Variants in GFRA2 observed in about 807,000 individuals in gnomAD.
GFRA2 encodes GDNF family receptor alpha-2.
Under a neutral mutation model 48.3 loss-of-function variants are expected in GFRA2, and 17 were observed. That is an observed-to-expected ratio of 0.35 (90% CI 0.24 to 0.53). The LOEUF is 0.53. Among genes scored for constraint, GFRA2 ranks in the 20% least tolerant of loss-of-function variants. GFRA2 has a pLI of 0.93. For synonymous variants in GFRA2, 305 were observed against 257.2 expected (o/e 1.19, Z -1.78); for missense variants, 660 against 637.3 (o/e 1.04, Z -0.38).
chr8:21,695,524 G>A (rs543652434), intron 7 of GFRA2, among the ~76,000 whole-genome samples: 7 of 152,312 alleles, frequency 4.6e-5, no homozygotes, highest in African/African-American at 1.7e-4. Context: ...CTGGCCAAGA[G>A]TAGAGTCACT....
At chr8:21,789,887 C>A (rs1451699937), upstream of GFRA2, among the ~76,000 whole-genome samples, 1 of 152,160 alleles carries the variant, frequency 6.6e-6, no homozygotes, top group Non-Finnish European at 1.5e-5. Flanking sequence ...CGGGCAGGGG[C>A]TCGCACCCCA....
At chr8:21,706,369 G>A (rs1203647384) in intron 4 of GFRA2, 1 of 492,142 alleles carries the variant, frequency 2.0e-6, no homozygotes, top group African/African-American at 1.9e-5. Context: ...GGTTTGTGGA[G>A]AATGCCTGGA....
At chr8:21,727,711 C>T (rs1052532534) in intron 4 of GFRA2, among the ~76,000 whole-genome samples, 1 of 152,164 alleles carries the variant, frequency 6.6e-6, no homozygotes, top group Non-Finnish European at 1.5e-5. Context: ...GGCAGCCTCC[C>T]CGCTGGGCCT....
At chr8:21,809,437 G>C (rs1807935669) in intron 1 of GFRA2, among the ~76,000 whole-genome samples, 1 of 152,130 alleles carries the variant, frequency 6.6e-6, no homozygotes. Context: ...CCATTCTCCT[G>C]CCTCAGCCTC....
chr8:21,732,735 C>CA (rs1554490145), intron 4 of GFRA2, among the ~76,000 whole-genome samples: 1 of 152,124 alleles, frequency 6.6e-6, no homozygotes, highest in Non-Finnish European at 1.5e-5. Flanking sequence ...TGAAGGAATT[C>CA]AAAAAATTAG....
chr8:21,765,937 G>A (rs1168708345), intron 3 of GFRA2, among the ~76,000 whole-genome samples: 1 of 151,984 alleles, frequency 6.6e-6, no homozygotes, highest in East Asian at 1.9e-4. Context: ...ACCTATGACC[G>A]TCTGCAGCAA....
chr8:21,706,983 T>TC (rs1023335700), intron 4 of GFRA2, among the ~76,000 whole-genome samples: 11 of 152,134 alleles, frequency 7.2e-5, no homozygotes, highest in African/African-American at 2.4e-4. Flanking sequence ...GGGAGGATGC[T>TC]CCCCCTCTGC....
intron 4 of GFRA2, among the ~76,000 whole-genome samples, chr8:21,714,246 CTTTTTTTTT>C (rs10674628): frequency 3.8e-5 from 3 of 78,400 alleles, no homozygotes; most frequent in East Asian, 9.4e-4. Context: ...GTCTGAAGTT[CTTTTTTTTT>C]TTTTTTTTTT....
At chr8:21,712,931 G>A (rs1803134252) in intron 4 of GFRA2, among the ~76,000 whole-genome samples, 1 of 152,034 alleles carries the variant, frequency 6.6e-6, no homozygotes, top group South Asian at 2.1e-4. Flanking sequence ...CAGGCAGGGA[G>A]GTTGCAGTGA....
Position 21,782,894 on chromosome 8 carries a change from T to A in GFRA2, c.46A>T (p.Thr16Ser). The A allele has an allele frequency of 1.9e-6, 3 of 1,552,480 alleles. No homozygotes were observed. Among genetic ancestry groups the A allele is most frequent in the Non-Finnish European group, 2.6e-6 (3 of 1,156,484 alleles). Residue 16 changes from threonine to serine, a missense_variant, in exon 2 of 9, where the codon ACC becomes TCC. Transcript: ENST00000524240. ...VFCLFFFLDE[T>S]LRSLASPSSL... ...GAAGGGCTGGCCAAAGAGCGGAGGG[T>A]CTCGTCTGGGTGGTGGGGAGGGAAG... is the stretch of plus-strand genomic sequence containing the variant.
chr8:21,706,762 C>T (rs1802769453), intron 4 of GFRA2, among the ~76,000 whole-genome samples: 1 of 152,224 alleles, frequency 6.6e-6, no homozygotes, highest in Non-Finnish European at 1.5e-5. Flanking sequence ...ACTCCTTGTG[C>T]ACAGCTCTAT....
intron 4 of GFRA2, among the ~76,000 whole-genome samples, chr8:21,736,907 T>TGAGGGGAGGGGAGGGGAGGGGAGGA (rs1804491517): frequency 1.0e-4 from 3 of 29,794 alleles, no homozygotes; most frequent in African/African-American, 1.4e-4. Flanking sequence ...AAGGAAGAAA[T>TGAGGGGAGGGGAGGGGAGGGGAGGA]GAGGGGAGGG....
intron 1 of GFRA2, among the ~76,000 whole-genome samples, chr8:21,786,068 G>T (rs1056297064): frequency 5.3e-5 from 8 of 152,214 alleles, no homozygotes; most frequent in Non-Finnish European, 1.2e-4. Context: ...ACTTCTCGAG[G>T]GAAGGAAACT....
chr8:21,776,441 T>G (rs1241393593), intron 2 of GFRA2, among the ~76,000 whole-genome samples: 2 of 150,878 alleles, frequency 1.3e-5, no homozygotes, highest in African/African-American at 2.4e-5. Context: ...CAGCTGGAAT[T>G]TGACAACAGC....
At chr8:21,792,351 A>G (rs1807588016), upstream of GFRA2, among the ~76,000 whole-genome samples, 1 of 152,202 alleles carries the variant, frequency 6.6e-6, no homozygotes, top group African/African-American at 2.4e-5. Flanking sequence ...GAGTGAAAAG[A>G]AGGTGCCTCA....
intron 4 of GFRA2, among the ~76,000 whole-genome samples, chr8:21,723,696 C>G (rs1445634050): frequency 6.6e-6 from 1 of 152,156 alleles, no homozygotes; most frequent in South Asian, 2.1e-4. Context: ...TTTTGGACAC[C>G]CCTGGGAAAT....
At chr8:21,777,068 G>C (rs1806742467) in intron 2 of GFRA2, among the ~76,000 whole-genome samples, 2 of 152,174 alleles carry the variant, frequency 1.3e-5, no homozygotes, top group Non-Finnish European at 2.9e-5. Context: ...TATGAGATAG[G>C]CACTATTTTT....
Position 21,692,111 on chromosome 8 carries a change from A to G in GFRA2, c.*1167T>C, listed in dbSNP as rs1801903878. On this transcript the variant is annotated 3_prime_UTR_variant, in exon 9 of 9. Coordinates refer to ENST00000524240, the MANE Select transcript of GFRA2 (RefSeq NM_001495.5). ...CCAGCCAGGCTGACTGGGGCAGGGC[A>G]CTGCGGGGCCAATGTCCTTTTTCCC... The G allele has an allele frequency of 6.6e-6, 1 of 152,646 alleles. No individual in the cohort carries two copies. Among genetic ancestry groups the G allele is most frequent in the African/African-American group, 2.4e-5 (1 of 41,472 alleles). The allele number at this position is 152,646 out of a possible 1,614,324, so 9.5% of individuals were successfully genotyped here. A position where few individuals can be genotyped will look rare whatever the true frequency, so the allele number is the denominator to read the frequency against.
At chr8:21,790,300 G>A (rs1361881308), upstream of GFRA2, among the ~76,000 whole-genome samples, 1 of 152,206 alleles carries the variant, frequency 6.6e-6, no homozygotes, top group Non-Finnish European at 1.5e-5. Context: ...GGTGTCCTGG[G>A]GTGGGGTACA....
Sources: allele counts gnomAD v4.1 joint callset (sites outside exome capture counted in the v4.1 genomes callset), GRCh38; gene constraint gnomAD v4.1.1; transcripts MANE v1.5; gene names NCBI Gene and HGNC (gene_info 2026-07-23, HGNC 2026-07-21).